Variants in PCCA observed in about 807,000 individuals in gnomAD.
PCCA encodes propionyl-CoA carboxylase alpha chain, mitochondrial.
Under a neutral mutation model 101.3 loss-of-function variants are expected in PCCA, and 74 were observed. The observed-to-expected ratio is 0.73, with a 90% CI of 0.61 to 0.89. The LOEUF (loss-of-function observed/expected upper bound fraction) is 0.89. Among genes scored for constraint, PCCA ranks in the 40% least tolerant of loss-of-function variants. The pLI is 0.00. For missense variants in PCCA, 891 were observed against 907.0 expected (o/e 0.98, Z 0.23); for synonymous variants, 294 against 313.6 (o/e 0.94, Z 0.66).
At chr13:100,157,266 C>T (rs1348470182) in intron 5 of PCCA, 21 bp from the exon 6 acceptor site, 1 of 1,582,404 alleles carries the variant, frequency 6.3e-7, no homozygotes, top group Non-Finnish European at 8.7e-7. Flanking sequence ...ATTGAAAGTG[C>T]TTTTTGCTTT....
chr13:100,266,788 G>A (rs2062968162), intron 10 of PCCA, among the ~76,000 whole-genome samples: 1 of 152,108 alleles, frequency 6.6e-6, no homozygotes, highest in African/African-American at 2.4e-5. Context: ...CATTTCCTGG[G>A]TTGGGTCTAG....
chr13:100,474,049 C>T (rs2083229286), intron 21 of PCCA, among the ~76,000 whole-genome samples: 1 of 152,174 alleles, frequency 6.6e-6, no homozygotes, highest in Non-Finnish European at 1.5e-5. Context: ...CCCTGTGCCA[C>T]CTGCCATGAG....
At chr13:100,132,321 G>GAGTCA (rs1555353088) in intron 4 of PCCA, among the ~76,000 whole-genome samples, 5 of 152,040 alleles carry the variant, frequency 3.3e-5, no homozygotes, top group Admixed American at 1.3e-4. Context: ...ACTCCCTTGT[G>GAGTCA]TATCCCATTA....
At chr13:100,242,279 A>T (rs2061186756) in intron 8 of PCCA, among the ~76,000 whole-genome samples, 1 of 152,252 alleles carries the variant, frequency 6.6e-6, no homozygotes, top group South Asian at 2.1e-4. Flanking sequence ...CTAATGTCAG[A>T]CAAGATAAAC....
At chr13:100,342,789 A>AAC (rs2071581428) in intron 18 of PCCA, among the ~76,000 whole-genome samples, 1 of 150,634 alleles carries the variant, frequency 6.6e-6, no homozygotes, top group African/African-American at 2.4e-5. Context: ...TGGCACAGTC[A>AAC]TAACTCCCTG....
chr13:100,134,728 T>G (rs1189819611), intron 4 of PCCA, among the ~76,000 whole-genome samples: 1 of 151,982 alleles, frequency 6.6e-6, no homozygotes, highest in Non-Finnish European at 1.5e-5. Flanking sequence ...AGGTTTTTAA[T>G]TTTTTTGTAG....
intron 19 of PCCA, among the ~76,000 whole-genome samples, chr13:100,400,620 C>CTTTTTT (rs1380536807): frequency 1.6e-5 from 1 of 61,948 alleles, no homozygotes; most frequent in Non-Finnish European, 2.8e-5. Context: ...GATCTTAGTT[C>CTTTTTT]TTTTTAGTTC....
At chr13:100,358,296 C>CT (rs1275664168) in intron 18 of PCCA, among the ~76,000 whole-genome samples, 2 of 152,166 alleles carry the variant, frequency 1.3e-5, no homozygotes, top group Non-Finnish European at 1.5e-5. Context: ...TGAGTGAAGT[C>CT]TGACAACATC....
chr13:100,303,032 T>A, intron 14 of PCCA, 34 bp downstream of exon 14: 1 of 1,177,176 alleles, frequency 8.5e-7, no homozygotes. Context: ...AGCTGAAGGG[T>A]TAAAATCGTG....
chr13:100,244,119 G>T (rs994933800), intron 8 of PCCA, among the ~76,000 whole-genome samples: 25 of 152,136 alleles, frequency 1.6e-4, no homozygotes, highest in African/African-American at 6.0e-4. Flanking sequence ...TGCCAATTTC[G>T]TCTTCAGGAG....
intron 10 of PCCA, among the ~76,000 whole-genome samples, chr13:100,268,089 CA>C (rs767724808): frequency 6.6e-5 from 10 of 152,174 alleles, no homozygotes; most frequent in East Asian, 5.8e-4. Context: ...AGCGTGATGT[CA>C]AAAAATTTCA....
chr13:100,144,345 G>A (rs1026698421), intron 4 of PCCA, among the ~76,000 whole-genome samples: 7 of 152,166 alleles, frequency 4.6e-5, no homozygotes, highest in Non-Finnish European at 8.8e-5. Context: ...AATGGAATCT[G>A]AGCCCAGAAA....
chr13:100,091,948 G>A (rs911457256), intron 1 of PCCA, among the ~76,000 whole-genome samples: 1 of 151,794 alleles, frequency 6.6e-6, no homozygotes, highest in Non-Finnish European at 1.5e-5. Context: ...TTGAGATGGG[G>A]TCTCGCTCTG....
chr13:100,343,415 C>G (rs2071692647), intron 18 of PCCA, among the ~76,000 whole-genome samples: 1 of 152,156 alleles, frequency 6.6e-6, no homozygotes, highest in Non-Finnish European at 1.5e-5. Flanking sequence ...AGTGGCATAT[C>G]CATACTATGA....
chr13:100,350,350 A>T lies in PCCA; in HGVS notation c.1643+10091A>T, dbSNP rs578039934. 1.0e-3 allele frequency among the ~76,000 whole-genome samples: 152 copies of T among 152,340 alleles called. 4 individuals are homozygous for T. The South Asian group carries it at 0.028, about 28-fold the overall frequency. The stretch of plus-strand genomic sequence containing the variant: ...GATACCTAACTATACAATAAAAAAA[A>T]ATAGCACTTTAAGTATATATTTACA... On this transcript the variant is annotated intron_variant, in intron 18 of 23. Coordinates refer to ENST00000376285, the MANE Select transcript of PCCA (RefSeq NM_000282.4).
intron 6 of PCCA, among the ~76,000 whole-genome samples, chr13:100,194,256 C>T (rs568443474): frequency 3.9e-5 from 6 of 152,154 alleles, no homozygotes; most frequent in African/African-American, 1.2e-4. Context: ...GCAATGGGAT[C>T]AAAAACTTGA....
intron 21 of PCCA, among the ~76,000 whole-genome samples, chr13:100,452,284 C>G (rs183510910): frequency 6.6e-6 from 1 of 151,890 alleles, no homozygotes; most frequent in Non-Finnish European, 1.5e-5. Flanking sequence ...TGTCCCCACG[C>G]CCCCCACTCC....
chr13:100,135,530 C>T (rs1338021573), intron 4 of PCCA, among the ~76,000 whole-genome samples: 1 of 152,142 alleles, frequency 6.6e-6, no homozygotes, highest in Non-Finnish European at 1.5e-5. Context: ...TGTGATCTTG[C>T]TAAACTCATT....
chr13:100,215,212 C>T (rs1306591171), intron 7 of PCCA, among the ~76,000 whole-genome samples: 2 of 152,202 alleles, frequency 1.3e-5, no homozygotes, highest in African/African-American at 2.4e-5. Context: ...CTGTATTTTT[C>T]CTTAGGACCC....
Sources: allele counts gnomAD v4.1 joint callset (sites outside exome capture counted in the v4.1 genomes callset), GRCh38; gene constraint gnomAD v4.1.1; transcripts MANE v1.5; gene names NCBI Gene and HGNC (gene_info 2026-07-23, HGNC 2026-07-21).